ANKMY1: variants seen among roughly 807,000 people sequenced by gnomAD.
ANKMY1 encodes the protein ankyrin repeat and MYND domain containing 1.
ANKMY1 carries 98 observed loss-of-function variants against 102.0 expected under a neutral mutation model. The ratio of observed to expected loss-of-function variants is 0.96; its 90% CI spans 0.82 to 1.14. The LOEUF is 1.14. Among genes scored for constraint, ANKMY1 ranks in the 50% most tolerant of loss-of-function variants. The pLI is 0.00. For synonymous variants in ANKMY1, 582 were observed against 559.9 expected, an observed-to-expected ratio of 1.04 and a Z score of -0.56; for missense variants, 1,330 against 1,347.6, an observed-to-expected ratio of 0.99 and a Z score of 0.20.
chr2:240,523,458 C>T (rs2082707914), intron 8 of ANKMY1: 1 of 191,914 alleles, frequency 5.2e-6, no homozygotes, highest in South Asian at 1.2e-4. Flanking sequence ...GTGCATAGAC[C>T]ACATTTTGAG....
At chr2:240,550,281 C>G (rs990409717) in intron 4 of ANKMY1, among the ~76,000 whole-genome samples, 1 of 148,532 alleles carries the variant, frequency 6.7e-6, no homozygotes, top group African/African-American at 2.5e-5. Context: ...CCAAACACCG[C>G]GTATTCTCAC....
chr2:240,534,978 G>A (rs2086378985), intron 4 of ANKMY1, among the ~76,000 whole-genome samples: 1 of 152,110 alleles, frequency 6.6e-6, no homozygotes, highest in African/African-American at 2.4e-5. Context: ...GCATGCCTAT[G>A]GTCCCAGCTA....
At chr2:240,496,286 T>TA (rs2151976330) in intron 15 of ANKMY1, among the ~76,000 whole-genome samples, 1 of 152,362 alleles carries the variant, frequency 6.6e-6, no homozygotes, top group South Asian at 2.1e-4. Context: ...AGAAAGTTTT[T>TA]ATCTATCATT....
chr2:240,476,673 G>A (rs373851897), downstream of ANKMY1, among the ~76,000 whole-genome samples: 2 of 152,176 alleles, frequency 1.3e-5, no homozygotes, highest in East Asian at 3.8e-4. Context: ...TGGATTACTC[G>A]ATCACGCCCA....
chr2:240,509,361 C>G lies in ANKMY1; in HGVS notation c.2381G>C (p.Ser794Thr). ...GHSPLSLSIASGNELVVKELL... is the reference protein window; with the variant it reads ...GHSPLSLSIATGNELVVKELL... ...GAACATGCTCACCAGCTCATTCCCA[C>G]TGGCAATGGACAGGGAGAGCGGGGA... The change falls in exon 12 of 18, where the codon AGT becomes ACT. Residue 794 changes from serine (S) to threonine (T), a missense_variant. Coordinates refer to ENST00000401804, the MANE Select transcript of ANKMY1 (RefSeq NM_001282771.3). 1 of 1,613,164 alleles carries G rather than the reference C, an allele frequency of 6.2e-7. No homozygotes were observed. Among genetic ancestry groups the G allele is most frequent in the Non-Finnish European group, 8.5e-7 (1 of 1,179,434 alleles).
At chr2:240,537,054 A>C (rs2086954212) in intron 4 of ANKMY1, among the ~76,000 whole-genome samples, 1 of 152,108 alleles carries the variant, frequency 6.6e-6, no homozygotes, top group African/African-American at 2.4e-5. Flanking sequence ...AAAAGAAAAA[A>C]AGAAGAAAAA....
intron 9 of ANKMY1, among the ~76,000 whole-genome samples, chr2:240,516,080 A>T (rs1044880737): frequency 1.3e-5 from 2 of 151,682 alleles, no homozygotes; most frequent in Non-Finnish European, 2.9e-5. Context: ...AGTTGGCCTC[A>T]TGCTGTCTTT....
At chr2:240,481,780 A>G (rs1180827131) in intron 16 of ANKMY1, among the ~76,000 whole-genome samples, 4 of 152,176 alleles carry the variant, frequency 2.6e-5, no homozygotes, top group African/African-American at 9.7e-5. Context: ...GCAGGTGTGC[A>G]GGCTCTGCCG....
downstream of ANKMY1, among the ~76,000 whole-genome samples, chr2:240,477,159 A>C (rs2074912193): frequency 6.6e-6 from 1 of 152,164 alleles, no homozygotes; most frequent in Admixed American, 6.5e-5. Context: ...TCTACTAAAA[A>C]TACAAAATTA....
chr2:240,521,497 T>C (rs2082266681), intron 8 of ANKMY1, among the ~76,000 whole-genome samples: 1 of 132,252 alleles, frequency 7.6e-6, no homozygotes. Flanking sequence ...ACAGCTTTTT[T>C]TTTTTTTTTT....
In ANKMY1 at chr2:240,504,912, G is replaced by A. The variant is rs181860374; in HGVS notation, c.2526+2648C>T. ...ATCCCAACAAGAATCACTTGAACCC[G>A]GGAGGTAGAGGTTGCAGTGAGCAGA... On this transcript the variant is annotated intron_variant, in intron 13 of 17. Transcript: ENST00000401804. Among the ~76,000 whole-genome samples, 21 of 152,200 alleles carry A rather than the reference G, an allele frequency of 1.4e-4. No homozygotes were observed. The East Asian group carries it at 2.3e-3, about 17-fold the overall frequency.
upstream of ANKMY1, chr2:240,560,750 C>G (rs773089505): frequency 3.3e-6 from 5 of 1,504,422 alleles, no homozygotes; most frequent in Non-Finnish European, 4.4e-6. Flanking sequence ...TGGTGCGCGT[C>G]GCGCCCTCAC....
chr2:240,523,694 C>T (rs1286509154), intron 8 of ANKMY1, 191 bp downstream of exon 8: 2 of 956,148 alleles, frequency 2.1e-6, no homozygotes, highest in Non-Finnish European at 3.0e-6. Flanking sequence ...TGAAAACAGC[C>T]CGTCACCGTG....
chr2:240,533,480 C>T (rs1165688335), intron 4 of ANKMY1, among the ~76,000 whole-genome samples: 1 of 152,108 alleles, frequency 6.6e-6, no homozygotes, highest in Non-Finnish European at 1.5e-5. Context: ...TTTTATTTAA[C>T]TCAATCTTTC....
intron 4 of ANKMY1, among the ~76,000 whole-genome samples, chr2:240,532,669 A>G (rs953665915): frequency 1.3e-5 from 2 of 152,220 alleles, no homozygotes; most frequent in African/African-American, 4.8e-5. Flanking sequence ...CTGCACATAC[A>G]TGTATACACT....
Position 240,513,079 on chromosome 2 carries a change from C to T in ANKMY1, c.2005-137G>A, listed in dbSNP as rs547001758. On this transcript the variant is annotated intron_variant, in intron 9 of 17. Coordinates refer to ENST00000401804, the MANE Select transcript of ANKMY1 (RefSeq NM_001282771.3). ...ATTCTCAGCCTCACCTGCCTCACAA[C>T]GTGCAGGCTACTGGTCCCTGAAGGC... 64 of 1,243,972 alleles carry T rather than the reference C, an allele frequency of 5.1e-5. 2 individuals carry two copies. In the South Asian group the frequency reaches 6.4e-4, roughly 12 times the overall value. 77.1% of individuals were successfully genotyped at this position (1,243,972 alleles called of 1,614,324 possible).
At chr2:240,504,233 T>C (rs535758792) in intron 13 of ANKMY1, among the ~76,000 whole-genome samples, 79 of 152,302 alleles carry the variant, frequency 5.2e-4, no homozygotes, top group Middle Eastern at 3.4e-3. Flanking sequence ...AGCACCATCA[T>C]TTATGTATAC....
At chr2:240,472,842 C>T in the ANKMY1 span, among the ~76,000 whole-genome samples, 1 of 152,164 alleles carries the variant, frequency 6.6e-6, no homozygotes, top group East Asian at 1.9e-4. Flanking sequence ...CATGATGCCA[C>T]AGCTGGGCAT....
At chr2:240,497,187 C>A (rs550511397) in intron 15 of ANKMY1, among the ~76,000 whole-genome samples, 1 of 151,058 alleles carries the variant, frequency 6.6e-6, no homozygotes, top group African/African-American at 2.4e-5. Context: ...AGAATGGAGC[C>A]GCCACCTCCT....
Sources: gnomAD v4.1 joint callset for allele counts (sites outside exome capture counted in the v4.1 genomes callset) on GRCh38, gnomAD v4.1.1 for gene constraint, MANE v1.5 for transcripts, NCBI Gene and HGNC (gene_info 2026-07-23, HGNC 2026-07-21) for gene names.